Variants in PRPS2 observed in about 807,000 individuals in gnomAD.
PRPS2 encodes ribose-phosphate pyrophosphokinase 2.
For synonymous variants in PRPS2, 111 were observed against 115.3 expected (o/e 0.96, Z 0.24); for missense variants, 104 against 271.5 (o/e 0.38, Z 4.34).
At chrX:12,810,369 A>C (rs1372252582) in intron 4 of PRPS2, 1 of 382,484 alleles carries the variant, frequency 2.6e-6, no homozygotes, top group Non-Finnish European at 4.4e-6. Context: ...CATACACAAT[A>C]GGTATATATT....
intron 1 of PRPS2, among the ~76,000 whole-genome samples, chrX:12,798,825 G>A (rs900243530): frequency 5.4e-5 from 6 of 111,482 alleles, no homozygotes; most frequent in East Asian, 2.8e-4. Context: ...ATTTTGGTAC[G>A]TGCTAGGCAG....
At chrX:12,822,540 C>T (rs772854300) in intron 6 of PRPS2, among the ~76,000 whole-genome samples, 164 bp from the exon 7 acceptor site, 4 of 112,465 alleles carry the variant, frequency 3.6e-5, no homozygotes, top group Non-Finnish European at 5.6e-5. Flanking sequence ...TGAAGACATA[C>T]CCCAAAGCTG....
chrX:12,807,865 C>CTTTTT (rs66529320), intron 2 of PRPS2, among the ~76,000 whole-genome samples: 4 of 56,842 alleles, frequency 7.0e-5, no homozygotes, highest in African/African-American at 7.6e-5. Flanking sequence ...ACATGCATAC[C>CTTTTT]TTTTTTTTTT....
intron 2 of PRPS2, among the ~76,000 whole-genome samples, chrX:12,805,638 C>A (rs759771936): frequency 8.9e-6 from 1 of 112,367 alleles, no homozygotes; most frequent in African/African-American, 3.2e-5. Context: ...TGTTTTTCAA[C>A]CGTTTAAAGA....
chrX:12,810,283 C>A, intron 4 of PRPS2, 137 bp downstream of exon 4: 1 of 804,353 alleles, frequency 1.2e-6, no homozygotes, highest in Non-Finnish European at 1.8e-6. Context: ...AGACCGCAGG[C>A]TTCACTTCCA....
chrX:12,795,490 T>C (rs946063221), intron 1 of PRPS2, among the ~76,000 whole-genome samples: 2 of 111,872 alleles, frequency 1.8e-5, no homozygotes, highest in Non-Finnish European at 3.8e-5. Context: ...TAGAAATTTG[T>C]TTCTCACAGG....
intron 2 of PRPS2, among the ~76,000 whole-genome samples, chrX:12,800,768 A>G (rs2042565362): frequency 8.9e-6 from 1 of 111,902 alleles, no homozygotes; most frequent in Non-Finnish European, 1.9e-5. Flanking sequence ...ATTTGAATTC[A>G]TATACCAAAG....
chrX:12,814,065 C>A (rs912838700), intron 4 of PRPS2, among the ~76,000 whole-genome samples: 51 of 53,450 alleles, frequency 9.5e-4, no homozygotes, highest in Non-Finnish European at 1.5e-3. Context: ...ATCCAGCCCC[C>A]CCACCCCCGA....
At chrX:12,811,798 C>T (rs995291440) in intron 4 of PRPS2, among the ~76,000 whole-genome samples, 4 of 111,971 alleles carry the variant, frequency 3.6e-5, no homozygotes, top group African/African-American at 9.7e-5. Flanking sequence ...GAAACACAGG[C>T]CCTGATTCTT....
At chrX:12,822,518 C>T (rs1310312415) in intron 6 of PRPS2, among the ~76,000 whole-genome samples, 186 bp from the exon 7 acceptor site, 1 of 112,443 alleles carries the variant, frequency 8.9e-6, no homozygotes, top group Non-Finnish European at 1.9e-5. Context: ...TCTGGTTCAA[C>T]GGGTTGTAAT....
At chrX:12,807,714 G>A (rs2147218973) in intron 2 of PRPS2, among the ~76,000 whole-genome samples, 1 of 111,041 alleles carries the variant, frequency 9.0e-6, no homozygotes, top group South Asian at 3.8e-4. Flanking sequence ...GAAAACATGA[G>A]TTATGATCTA....
intron 1 of PRPS2, among the ~76,000 whole-genome samples, chrX:12,795,130 C>T (rs1286444575): frequency 9.0e-6 from 1 of 111,410 alleles, no homozygotes; most frequent in Non-Finnish European, 1.9e-5. Context: ...CCTGCTTCTG[C>T]TGTCTCCCTC....
chrX:12,822,899 G>C lies in PRPS2; in HGVS notation c.*103G>C. 1 of 576,358 alleles carries C rather than the reference G, an allele frequency of 1.7e-6. No individual in the cohort carries two copies. Among genetic ancestry groups the C allele is most frequent in the Non-Finnish European group, 2.9e-6 (1 of 345,104 alleles). The allele number at this position is 576,358 out of a possible 1,213,427, so 47.5% of individuals were successfully genotyped here. A position where few individuals can be genotyped will look rare whatever the true frequency, so the allele number is the denominator to read the frequency against. ...ATTCAGCAATGATAGGTTAATCACT[G>C]GCAAAAGCATCAGATCTTTGTATAT... On this transcript the variant is annotated 3_prime_UTR_variant, in exon 7 of 7. Transcript: ENST00000380668.
chrX:12,819,288 C>T (rs192537725), intron 4 of PRPS2, among the ~76,000 whole-genome samples: 7 of 112,519 alleles, frequency 6.2e-5, no homozygotes, highest in Non-Finnish European at 1.3e-4. Context: ...GGTGCCCTGA[C>T]GGTCATTCCT....
chrX:12,817,529 GACCCAGCAATTCC>G (rs2042654440), intron 4 of PRPS2, among the ~76,000 whole-genome samples: 2 of 100,551 alleles, frequency 2.0e-5, no homozygotes, highest in African/African-American at 7.4e-5. Flanking sequence ...GTTACCATAT[GACCCAGCAATTCC>G]ACTCTGAGGT....
intron 5 of PRPS2, 31 bp downstream of exon 5, chrX:12,819,711 C>CTGAG (rs2042666801): frequency 8.5e-7 from 1 of 1,174,619 alleles, no homozygotes; most frequent in African/African-American, 1.8e-5. Flanking sequence ...AGCGTTAGGA[C>CTGAG]TTCTCACTAG....
At chrX:12,796,689 G>T (rs752126019) in intron 1 of PRPS2, among the ~76,000 whole-genome samples, 1 of 110,293 alleles carries the variant, frequency 9.1e-6, no homozygotes, top group Admixed American at 9.6e-5. Flanking sequence ...AAATTACCAC[G>T]CTATGCAAAA....
Position 12,799,226 on chromosome X carries a change from G to A in PRPS2, c.142G>A (p.Val48Met). The change falls in exon 2 of 7, where the codon GTG becomes ATG. Residue 48 changes from valine (V) to methionine (M), a missense_variant. Coordinates refer to ENST00000380668, the MANE Select transcript of PRPS2 (RefSeq NM_002765.5). ...QETSVEIGESVRGEDVYIIQS... is the reference protein window; with the variant it reads ...QETSVEIGESMRGEDVYIIQS... ...TCCTAGCGTGGAGATTGGTGAAAGC[G>A]TGAGAGGGGAAGATGTCTACATCAT... 8.3e-7 allele frequency: 1 copy of A among 1,211,288 alleles called. No individual in the cohort carries two copies. Among genetic ancestry groups the A allele is most frequent in the Non-Finnish European group, 1.1e-6 (1 of 895,295 alleles).
chrX:12,807,808 C>G (rs1482921806), intron 2 of PRPS2, among the ~76,000 whole-genome samples: 1 of 109,372 alleles, frequency 9.1e-6, no homozygotes, highest in African/African-American at 3.3e-5. Context: ...CATCTGTTAA[C>G]TTTTTAGAGT....
Sources: allele counts gnomAD v4.1 joint callset (sites outside exome capture counted in the v4.1 genomes callset), GRCh38; gene constraint gnomAD v4.1.1; transcripts MANE v1.5; gene names NCBI Gene and HGNC (gene_info 2026-07-23, HGNC 2026-07-21).